Variants in SCN10A observed in about 807,000 individuals in gnomAD.
SCN10A encodes sodium voltage-gated channel alpha subunit 10, also known as sodium channel protein type 10 subunit alpha.
SCN10A carries 162 observed loss-of-function variants against 170.7 expected under a neutral mutation model. The ratio of observed to expected loss-of-function variants is 0.95; its 90% CI spans 0.84 to 1.08. The LOEUF (loss-of-function observed/expected upper bound fraction) is 1.08. Ranked by LOEUF, SCN10A falls within the 50% of genes least tolerant of loss-of-function variation. The pLI is 0.00. For synonymous variants in SCN10A, 985 were observed against 904.6 expected (o/e 1.09, Z -1.59); for missense variants, 2,527 against 2,436.9 (o/e 1.04, Z -0.78).
chr3:38,788,216 C>CAAAAAAA (rs561959910), intron 4 of SCN10A, among the ~76,000 whole-genome samples: 9 of 97,830 alleles, frequency 9.2e-5, no homozygotes, highest in East Asian at 3.4e-4. Flanking sequence ...TTATGATTAG[C>CAAAAAAA]AAAAAAAAAA....
chr3:38,718,893 A>T, intron 20 of SCN10A, 67 bp from the exon 21 acceptor site: 3 of 1,496,740 alleles, frequency 2.0e-6, no homozygotes, highest in Non-Finnish European at 2.7e-6. Flanking sequence ...CCAGACTGAT[A>T]GGGAAGGACC....
At position 38,761,351 on chromosome 3, in the gene SCN10A, A is replaced by T. The variant is rs140288103; in HGVS notation, c.724T>A (p.Ser242Thr). 1.9e-4 allele frequency: 305 copies of T among 1,613,686 alleles called. No individual in the cohort carries two copies. The highest frequency in any genetic ancestry group is 2.3e-4 in the Non-Finnish European group (275 of 1,179,824). The change falls in exon 7 of 28, where the codon TCA (serine) becomes ACA (threonine). Residue 242 changes from serine (S) to threonine (T), a missense_variant. Physicochemically the swap from Ser to Thr is moderately conservative, Grantham distance 58. Coordinates refer to ENST00000449082, the MANE Select transcript of SCN10A (RefSeq NM_006514.4). ...LKVIVGALIHSVKKLADVTIL... is the reference protein window; with the variant it reads ...LKVIVGALIHTVKKLADVTIL... Reference sequence around the variant, plus strand: ...GTCACATCAGCCAGTTTCTTCACTGAGTGAATCAGGGCCCCCACAATGACC... The same window carrying T: ...GTCACATCAGCCAGTTTCTTCACTGTGTGAATCAGGGCCCCCACAATGACC...
chr3:38,765,742 CTATT>C (rs1393651380), intron 5 of SCN10A, among the ~76,000 whole-genome samples: 5 of 152,070 alleles, frequency 3.3e-5, no homozygotes, highest in Non-Finnish European at 7.4e-5. Context: ...GTTGTTATTT[CTATT>C]TCTGTGAAGA....
chr3:38,713,981 G>C lies in SCN10A; in HGVS notation c.3781C>G (p.Leu1261Val). 1 of 1,613,814 alleles carries C rather than the reference G, an allele frequency of 6.2e-7. No individual in the cohort carries two copies. Among genetic ancestry groups the C allele is most frequent in the Non-Finnish European group, 8.5e-7 (1 of 1,180,006 alleles). ...ACCCGCATGCCTTCAAATCGAGAAA[G>C]AGCCCGCAGTGGCCGCAGAGCGCGA... ...TLRALRPLRA[L>V]SRFEGMRVVV... is the part of the protein sequence containing the mutation. Residue 1261 changes from leucine to valine, a missense_variant, in exon 22 of 28, where the codon CTT becomes GTT. By Grantham distance (32) the Leu-to-Val change is conservative (BLOSUM62 1). Transcript: ENST00000449082.
chr3:38,760,740 G>A lies in SCN10A; in HGVS notation c.891C>T (p.Ile297=). The change falls in exon 8 of 28, where the codon ATC becomes ATT. Residue 297 remains isoleucine (I), a synonymous_variant. Transcript: ENST00000449082. ...CAGAAGTGCCTCGCTTATTTATGTAGATATCTGCTGAAGAAAGGAAGAAAA... is the reference window on the plus strand; with the variant it reads ...CAGAAGTGCCTCGCTTATTTATGTAAATATCTGCTGAAGAAAGGAAGAAAA... ...TNYSSHRKPD[I]YINKRGTSDP... 4 of 1,613,446 alleles carry A rather than the reference G, an allele frequency of 2.5e-6. No individual in the cohort carries two copies. The highest frequency in any genetic ancestry group is 3.4e-6 in the Non-Finnish European group (4 of 1,179,402).
At chr3:38,700,117 A>G (rs2063141418) in intron 27 of SCN10A, among the ~76,000 whole-genome samples, 1 of 152,260 alleles carries the variant, frequency 6.6e-6, no homozygotes, top group African/African-American at 2.4e-5. Flanking sequence ...ACAAAACAAA[A>G]CAAAAATGAA....
chr3:38,814,809 T>G (rs1266124699), intron 1 of SCN10A, among the ~76,000 whole-genome samples: 3 of 152,210 alleles, frequency 2.0e-5, no homozygotes, highest in Admixed American at 2.0e-4. Flanking sequence ...CAAACCAACT[T>G]TATGCCATTT....
chr3:38,764,107 T>A lies in SCN10A; in HGVS notation c.600-511A>T, dbSNP rs113350292. Among the ~76,000 whole-genome samples the A allele has an allele frequency of 7.6e-3, 1,154 of 152,314 alleles. 14 individuals are homozygous for A. The highest frequency in any genetic ancestry group is 0.024 in the African/African-American group (1,013 of 41,566). ...CTGAGATGAAGAACCTTCTTCAGAG[T>A]GTGAGCCTGGATACACCCATAAGCC... On this transcript the variant is annotated intron_variant, in intron 5 of 27. Coordinates refer to ENST00000449082, the MANE Select transcript of SCN10A (RefSeq NM_006514.4).
At chr3:38,795,058 C>G (rs1375552722) in intron 1 of SCN10A, among the ~76,000 whole-genome samples, 1 of 152,120 alleles carries the variant, frequency 6.6e-6, no homozygotes, top group Non-Finnish European at 1.5e-5. Context: ...TCTGCCAGCT[C>G]TTTCCTATCA....
intron 4 of SCN10A, among the ~76,000 whole-genome samples, chr3:38,771,877 A>G (rs1042132473): frequency 1.3e-5 from 2 of 152,318 alleles, no homozygotes; most frequent in South Asian, 4.1e-4. Flanking sequence ...AAGCCAAGCT[A>G]TGCTGCAGAG....
At chr3:38,753,711 A>G (rs1307423767) in intron 11 of SCN10A, among the ~76,000 whole-genome samples, 2 of 152,214 alleles carry the variant, frequency 1.3e-5, no homozygotes, top group African/African-American at 4.8e-5. Context: ...CATTATTTGC[A>G]CTTGAGCACC....
At chr3:38,735,221 T>C (rs928828632) in intron 15 of SCN10A, among the ~76,000 whole-genome samples, 7 of 151,636 alleles carry the variant, frequency 4.6e-5, no homozygotes, top group Non-Finnish European at 8.8e-5. Context: ...CTCATTGTTA[T>C]TTTCACATGA....
intron 21 of SCN10A, 103 bp downstream of exon 21, chr3:38,718,550 G>T (rs901242758): frequency 8.3e-7 from 1 of 1,207,224 alleles, no homozygotes; most frequent in East Asian, 2.3e-5. Context: ...TTTCTTTGGA[G>T]TAGCCCTTGA....
At chr3:38,725,108 C>G in intron 18 of SCN10A, 66 bp downstream of exon 18, 1 of 1,452,572 alleles carries the variant, frequency 6.9e-7, no homozygotes. Context: ...ACCCTCCAGC[C>G]TCTACCAGCC....
At chr3:38,757,732 A>T (rs1052922946) in intron 8 of SCN10A, among the ~76,000 whole-genome samples, 8 of 152,216 alleles carry the variant, frequency 5.3e-5, no homozygotes, top group African/African-American at 1.4e-4. Context: ...CGCAGGTGTC[A>T]ATATATTTAT....
intron 15 of SCN10A, among the ~76,000 whole-genome samples, chr3:38,738,612 G>T (rs953872369): frequency 1.3e-5 from 2 of 152,214 alleles, no homozygotes. Flanking sequence ...AAGTCTAGAT[G>T]CAGGGCTCCC....
chr3:38,778,216 A>T (rs1194075264), intron 4 of SCN10A, among the ~76,000 whole-genome samples: 1 of 151,990 alleles, frequency 6.6e-6, no homozygotes, highest in African/African-American at 2.4e-5. Flanking sequence ...GTGAGAAAAC[A>T]TTTATCTTCT....
At chr3:38,710,419 G>C (rs2063260980) in intron 24 of SCN10A, among the ~76,000 whole-genome samples, 1 of 152,166 alleles carries the variant, frequency 6.6e-6, no homozygotes, top group African/African-American at 2.4e-5. Context: ...GCCTCCCAAA[G>C]TGCTAGGATT....
Position 38,698,053 on chromosome 3 carries a change from C to G in SCN10A, c.5167G>C (p.Glu1723Gln). 6.2e-7 allele frequency: 1 copy of G among 1,614,094 alleles called. No individual in the cohort carries two copies. ...MVNMYIAVIL[E>Q]NFNVATEEST... ...TCCTCCGTGGCCACATTGAAGTTCT[C>G]CAGAATCACTGCAATGTACATGTTG... Residue 1723 changes from glutamate (E) to glutamine (Q), a missense_variant, in exon 28 of 28, where the codon GAG becomes CAG. Coordinates refer to ENST00000449082, the MANE Select transcript of SCN10A (RefSeq NM_006514.4).
Sources: gnomAD v4.1 joint callset for allele counts (sites outside exome capture counted in the v4.1 genomes callset) on GRCh38, gnomAD v4.1.1 for gene constraint, MANE v1.5 for transcripts, NCBI Gene and HGNC (gene_info 2026-07-23, HGNC 2026-07-21) for gene names.